The following ATG10 variants were observed in gnomAD, a reference collection of about 807,000 sequenced individuals.
ATG10 encodes ubiquitin-like-conjugating enzyme ATG10.
ATG10 carries 30 observed loss-of-function variants against 32.1 expected under a neutral mutation model. The ratio of observed to expected loss-of-function variants is 0.94; its 90% CI spans 0.70 to 1.27. The LOEUF (loss-of-function observed/expected upper bound fraction) is 1.27, where lower values mean the gene tolerates loss of function less well. Among genes scored for constraint, ATG10 ranks in the 50% most tolerant of loss-of-function variants. The pLI is 0.00. For synonymous variants in ATG10, 87 were observed against 91.5 expected (o/e 0.95, Z 0.28); for missense variants, 233 against 262.3 (o/e 0.89, Z 0.77).
At chr5:82,184,491 A>T (rs929570437) in intron 5 of ATG10, among the ~76,000 whole-genome samples, 1 of 151,948 alleles carries the variant, frequency 6.6e-6, no homozygotes, top group African/African-American at 2.4e-5. Flanking sequence ...CTAACCGATA[A>T]TATCTACCCC....
chr5:82,067,016 A>T (rs1344624168), intron 3 of ATG10, among the ~76,000 whole-genome samples: 1 of 152,198 alleles, frequency 6.6e-6, no homozygotes, highest in Non-Finnish European at 1.5e-5. Context: ...ATGTGCATAG[A>T]TGCAAATGGA....
At chr5:81,996,235 G>A (rs574704200) in intron 2 of ATG10, among the ~76,000 whole-genome samples, 1 of 152,226 alleles carries the variant, frequency 6.6e-6, no homozygotes, top group East Asian at 1.9e-4. Flanking sequence ...ATATGATGGT[G>A]CAGTTACTAA....
intron 2 of ATG10, among the ~76,000 whole-genome samples, chr5:82,057,141 T>G (rs1295887724): frequency 6.6e-6 from 1 of 152,182 alleles, no homozygotes; most frequent in Non-Finnish European, 1.5e-5. Context: ...ATGAGTTGGA[T>G]CTAACCAATC....
At chr5:82,213,460 T>C (rs968145382) in intron 5 of ATG10, among the ~76,000 whole-genome samples, 3 of 152,242 alleles carry the variant, frequency 2.0e-5, no homozygotes, top group Admixed American at 6.5e-5. Context: ...GTGACTGATA[T>C]GGAAGACTTA....
In ATG10 at chr5:82,056,451, T is replaced by G. The variant is rs1049076333; in HGVS notation, c.109-2044T>G. Reference sequence around the variant, plus strand: ...CAGGTTTTTTTTTTTTTTTTTTTTGTGGTCTGTCTGGCTCAAACCTAGTGG... The same window carrying G: ...CAGGTTTTTTTTTTTTTTTTTTTTGGGGTCTGTCTGGCTCAAACCTAGTGG... On this transcript the variant is annotated intron_variant, in intron 2 of 7. Transcript: ENST00000282185. Among the ~76,000 whole-genome samples the G allele has an allele frequency of 2.1e-5, 3 of 143,524 alleles. No individual in the cohort carries two copies. In the South Asian group the frequency reaches 6.8e-4, roughly 33 times the overall value. The allele number at this position is 143,524 out of a possible 152,430, so 94.2% of individuals were successfully genotyped here.
rs572355868 is a variant in ATG10 at position 82,016,693 on chromosome 5, C to CT, written c.108+29028dup. Among the ~76,000 whole-genome samples the CT allele has an allele frequency of 6.8e-3, 974 of 142,716 alleles. 8 individuals are homozygous for CT. Among genetic ancestry groups the CT allele is most frequent in the African/African-American group, 0.018 (695 of 39,276 alleles). The allele number at this position is 142,716 out of a possible 152,430, so 93.6% of individuals were successfully genotyped here. The stretch of plus-strand genomic sequence containing the variant: ...GGCAGTGTGGTCATTTTCTTTCTTT[C>CT]TTTTTTTTTTTTTGAGATGGAGTCT... On this transcript the variant is annotated intron_variant, in intron 2 of 7. Transcript: ENST00000282185.
intron 3 of ATG10, chr5:82,147,494 TA>T (rs112559533): frequency 0.086 from 12,853 of 150,246 alleles, 830 homozygotes; most frequent in African/African-American, 0.19. Context: ...AAAGTTAAAT[TA>T]AAAAAAAAAT....
chr5:82,120,550 T>C (rs1374937673), intron 3 of ATG10, among the ~76,000 whole-genome samples: 1 of 152,204 alleles, frequency 6.6e-6, no homozygotes, highest in Non-Finnish European at 1.5e-5. Context: ...GGAAGTGACT[T>C]GATTAAGTGG....
intron 5 of ATG10, among the ~76,000 whole-genome samples, chr5:82,198,419 T>G: frequency 6.6e-6 from 1 of 152,124 alleles, no homozygotes; most frequent in East Asian, 1.9e-4. Context: ...TGCACCACCA[T>G]GCCTGGCTAA....
intron 3 of ATG10, among the ~76,000 whole-genome samples, chr5:82,062,538 T>A (rs937810753): frequency 6.6e-6 from 1 of 152,222 alleles, no homozygotes; most frequent in Non-Finnish European, 1.5e-5. Flanking sequence ...ATAACAAGCG[T>A]ACAGTGCTAT....
At chr5:82,141,674 G>A (rs562303437) in intron 3 of ATG10, among the ~76,000 whole-genome samples, 2 of 151,890 alleles carry the variant, frequency 1.3e-5, no homozygotes, top group African/African-American at 4.8e-5. Context: ...AAATAATAAT[G>A]AGTATATAAA....
In ATG10 at chr5:82,099,487, A is replaced by G. The variant is rs565772927; in HGVS notation, c.216+40885A>G. On this transcript the variant is annotated intron_variant, in intron 3 of 7. Transcript: ENST00000282185. ...TAGAATTACATTTATAGACACATAG[A>G]ACTCTTATAGTGACTGAACCTACAG... Among the ~76,000 whole-genome samples, 4 of 152,160 alleles carry G rather than the reference A, an allele frequency of 2.6e-5. 1 individual carries two copies. The highest frequency in any genetic ancestry group is 7.2e-5 in the African/African-American group (3 of 41,540).
chr5:82,065,627 A>T (rs1763919822), intron 3 of ATG10, among the ~76,000 whole-genome samples: 1 of 151,878 alleles, frequency 6.6e-6, no homozygotes, highest in Non-Finnish European at 1.5e-5. Flanking sequence ...TCAATTTATG[A>T]TTTTTTTTGT....
intron 3 of ATG10, among the ~76,000 whole-genome samples, chr5:82,151,055 C>T (rs1767574251): frequency 6.6e-6 from 1 of 152,140 alleles, no homozygotes; most frequent in African/African-American, 2.4e-5. Context: ...TAATAATGGT[C>T]TTGGTCACCA....
At chr5:82,251,833 T>C (rs968327070) in intron 5 of ATG10, among the ~76,000 whole-genome samples, 6 of 152,210 alleles carry the variant, frequency 3.9e-5, no homozygotes, top group Admixed American at 2.0e-4. Context: ...AACTTGGGTA[T>C]GGTCTGACCT....
chr5:82,166,464 T>A (rs947992666), intron 4 of ATG10, among the ~76,000 whole-genome samples: 3 of 152,210 alleles, frequency 2.0e-5, no homozygotes, highest in Non-Finnish European at 2.9e-5. Context: ...GCATACTGAA[T>A]GTTTTCTGGT....
intron 5 of ATG10, among the ~76,000 whole-genome samples, chr5:82,222,929 T>C (rs2149995226): frequency 6.6e-6 from 1 of 152,366 alleles, no homozygotes; most frequent in South Asian, 2.1e-4. Context: ...AGAATAGTGT[T>C]GTAATTTGTA....
intron 3 of ATG10, among the ~76,000 whole-genome samples, chr5:82,141,216 T>C (rs555111793): frequency 5.1e-4 from 74 of 145,156 alleles, no homozygotes; most frequent in Non-Finnish European, 9.0e-4. Context: ...CCAAGAATTA[T>C]CAATAAAAAA....
chr5:82,238,389 A>G (rs1001331515), intron 5 of ATG10, among the ~76,000 whole-genome samples: 1 of 121,902 alleles, frequency 8.2e-6, no homozygotes, highest in Non-Finnish European at 1.6e-5. Flanking sequence ...CATCTCTGCT[A>G]TTCTCACTAG....
Sources: gnomAD v4.1 joint callset for allele counts (sites outside exome capture counted in the v4.1 genomes callset) on GRCh38, gnomAD v4.1.1 for gene constraint, MANE v1.5 for transcripts, NCBI Gene and HGNC (gene_info 2026-07-23, HGNC 2026-07-21) for gene names.